Variants in ATF7IP2 observed in about 807,000 individuals in gnomAD.
The protein encoded by ATF7IP2 is activating transcription factor 7-interacting protein 2.
ATF7IP2 carries 42 observed loss-of-function variants against 64.2 expected under a neutral mutation model. The observed-to-expected ratio is 0.65, with a 90% confidence interval of 0.51 to 0.85. The LOEUF is 0.85. Among genes scored for constraint, ATF7IP2 ranks in the 40% least tolerant of loss-of-function variants. The pLI is 0.00. For missense variants in ATF7IP2, 933 were observed against 784.2 expected (o/e 1.19, Z -2.27); for synonymous variants, 308 against 272.8 (o/e 1.13, Z -1.27).
In ATF7IP2 at chr16:10,433,638, T is replaced by A; in HGVS notation, c.949T>A (p.Phe317Ile). 1 of 1,613,580 alleles carries A rather than the reference T, an allele frequency of 6.2e-7. No homozygotes were observed. The highest frequency in any genetic ancestry group is 8.5e-7 in the Non-Finnish European group (1 of 1,179,764). ...ICVSLERQTA[F>I]LEQVRHLIQQ... ...TGTAAGTTTGGAAAGGCAAACAGCA[T>A]TCCTGGAACAGGTAAAATATTGGGG... Residue 317 changes from phenylalanine to isoleucine, a missense_variant, in exon 6 of 14, where the codon TTC becomes ATC. Physicochemically the swap from Phe to Ile is conservative, Grantham distance 21. Transcript: ENST00000562102.
At chr16:10,479,958 C>CTTTTTTTTTTTTT (rs201158427) in intron 12 of ATF7IP2, among the ~76,000 whole-genome samples, 2 of 80,568 alleles carry the variant, frequency 2.5e-5, no homozygotes, top group African/African-American at 4.4e-5. Flanking sequence ...ACTGGAAATA[C>CTTTTTTTTTTTTT]TTTTTTTTTT....
At chr16:10,475,253 C>T (rs551459973) in intron 12 of ATF7IP2, among the ~76,000 whole-genome samples, 8 of 152,282 alleles carry the variant, frequency 5.3e-5, no homozygotes, top group African/African-American at 1.9e-4. Context: ...TGTTACAAGG[C>T]TCTTAAATGG....
chr16:10,473,562 T>A lies in ATF7IP2; in HGVS notation c.1482+28T>A, dbSNP rs893475301. 3.5e-6 allele frequency: 5 copies of A among 1,448,494 alleles called. No individual in the cohort carries two copies. In the African/African-American group the frequency reaches 7.1e-5, roughly 21 times the overall value. 89.7% of individuals were successfully genotyped at this position (1,448,494 alleles called of 1,614,324 possible). ...GAGTAATAAATATTGACTCTGAATA[T>A]TGTTTATTTAAATATGTTAGTTCAA... On this transcript the variant is annotated intron_variant, in intron 11 of 13. Transcript: ENST00000562102.
chr16:10,477,342 T>C (rs1789030056), intron 12 of ATF7IP2, among the ~76,000 whole-genome samples: 1 of 152,248 alleles, frequency 6.6e-6, no homozygotes, highest in African/African-American at 2.4e-5. Context: ...GCCCACTTGA[T>C]CATGGTGGAT....
chr16:10,429,476 A>G (rs2048170786), intron 4 of ATF7IP2, among the ~76,000 whole-genome samples: 1 of 152,140 alleles, frequency 6.6e-6, no homozygotes, highest in Non-Finnish European at 1.5e-5. Flanking sequence ...TCGGCCTCCC[A>G]GAAGCTGGGA....
At chr16:10,427,726 G>A (rs372037183) in intron 3 of ATF7IP2, among the ~76,000 whole-genome samples, 29 of 152,058 alleles carry the variant, frequency 1.9e-4, no homozygotes, top group African/African-American at 6.3e-4. Flanking sequence ...AGTTGTGGTG[G>A]TGCATGCCTG....
intron 1 of ATF7IP2, among the ~76,000 whole-genome samples, chr16:10,403,932 C>T (rs953841223): frequency 2.0e-5 from 3 of 151,992 alleles, no homozygotes; most frequent in Admixed American, 6.6e-5. Flanking sequence ...TTGAAACATA[C>T]GAGACTACAT....
chr16:10,456,036 G>C (rs1436114340), intron 8 of ATF7IP2, among the ~76,000 whole-genome samples: 2 of 151,580 alleles, frequency 1.3e-5, no homozygotes, highest in Non-Finnish European at 2.9e-5. Flanking sequence ...CTGGAGTGCA[G>C]TGACACAATC....
At chr16:10,434,459 C>G (rs1228938427) in intron 6 of ATF7IP2, among the ~76,000 whole-genome samples, 1 of 152,152 alleles carries the variant, frequency 6.6e-6, no homozygotes, top group Non-Finnish European at 1.5e-5. Flanking sequence ...AACAGAAACA[C>G]TACCATTTTT....
chr16:10,469,423 C>A (rs1335875052), intron 9 of ATF7IP2, among the ~76,000 whole-genome samples: 1 of 151,908 alleles, frequency 6.6e-6, no homozygotes, highest in Admixed American at 6.6e-5. Flanking sequence ...ATAGTTGATG[C>A]AAATTCTAAA....
intron 1 of ATF7IP2, among the ~76,000 whole-genome samples, chr16:10,404,774 C>T (rs1055859638): frequency 2.0e-5 from 3 of 151,734 alleles, no homozygotes; most frequent in African/African-American, 7.3e-5. Context: ...AACTCCTGGA[C>T]TCAAGTAAAC....
chr16:10,412,012 T>G (rs745316798), intron 1 of ATF7IP2, among the ~76,000 whole-genome samples: 22,002 of 79,646 alleles, frequency 0.28, 4,054 homozygotes, highest in African/African-American at 0.44. Flanking sequence ...CTTTTTTTGT[T>G]TTTTTTTTTT....
chr16:10,475,250 A>G (rs2049960539), intron 12 of ATF7IP2, among the ~76,000 whole-genome samples: 1 of 152,232 alleles, frequency 6.6e-6, no homozygotes, highest in African/African-American at 2.4e-5. Context: ...TGCTGTTACA[A>G]GGCTCTTAAA....
rs985455753 is a variant in ATF7IP2 at position 10,482,411 on chromosome 16, T to C, written c.*162T>C. The C allele has an allele frequency of 8.9e-5, 51 of 569,928 alleles. No homozygotes were observed. The highest frequency in any genetic ancestry group is 4.7e-4 in the Middle Eastern group (1 of 2,142). 35.3% of individuals were successfully genotyped at this position (569,928 alleles called of 1,614,324 possible). ...TTTAAGTGGCCAGTAATTTAATGAA[T>C]TTCTGGTTTGTATTAAATATGTCCT... On this transcript the variant is annotated 3_prime_UTR_variant, in exon 14 of 14. Transcript: ENST00000562102.
chr16:10,428,406 T>G (rs1274489009), intron 3 of ATF7IP2, among the ~76,000 whole-genome samples: 1 of 152,166 alleles, frequency 6.6e-6, no homozygotes, highest in Non-Finnish European at 1.5e-5. Context: ...TATGTTCACG[T>G]GGTTGGATGT....
intron 12 of ATF7IP2, among the ~76,000 whole-genome samples, chr16:10,480,237 A>G (rs996341418): frequency 2.0e-5 from 3 of 151,848 alleles, no homozygotes; most frequent in African/African-American, 7.3e-5. Flanking sequence ...TCTGCGTCCT[A>G]AAGTGCTGGG....
At chr16:10,478,248 A>C (rs2050083534) in intron 12 of ATF7IP2, among the ~76,000 whole-genome samples, 1 of 150,258 alleles carries the variant, frequency 6.7e-6, no homozygotes, top group African/African-American at 2.4e-5. Context: ...ACCTGACTTC[A>C]AACTATACTA....
At chr16:10,446,202 G>A (rs893315620) in intron 8 of ATF7IP2, 2 of 152,168 alleles carry the variant, frequency 1.3e-5, no homozygotes, top group Non-Finnish European at 1.5e-5. Context: ...CCTAACTTTT[G>A]TATGGTAATT....
At chr16:10,473,748 A>G (rs903472766) in intron 11 of ATF7IP2, among the ~76,000 whole-genome samples, 175 bp from the exon 12 acceptor site, 2 of 152,204 alleles carry the variant, frequency 1.3e-5, no homozygotes, top group African/African-American at 4.8e-5. Flanking sequence ...TTAGTATTTT[A>G]TAAGAGCTTT....
Sources: allele counts gnomAD v4.1 joint callset (sites outside exome capture counted in the v4.1 genomes callset), GRCh38; gene constraint gnomAD v4.1.1; transcripts MANE v1.5; gene names NCBI Gene and HGNC (gene_info 2026-07-23, HGNC 2026-07-21).